Variants in ANGPT2 observed in about 807,000 individuals in gnomAD.
ANGPT2 encodes the protein angiopoietin 2.
ANGPT2 carries 28 observed loss-of-function variants against 62.9 expected under a neutral mutation model. That is an observed-to-expected ratio of 0.44 (90% CI 0.33 to 0.61). The LOEUF (loss-of-function observed/expected upper bound fraction) is 0.61. Among genes scored for constraint, ANGPT2 ranks in the 20% least tolerant of loss-of-function variants. The probability of loss-of-function intolerance (pLI) is 0.03; values close to 1 mark genes in which losing one functional copy is unlikely to be tolerated. For synonymous variants in ANGPT2, 284 were observed against 207.8 expected (o/e 1.37, Z -3.15); for missense variants, 727 against 594.9 (o/e 1.22, Z -2.31).
At chr8:6,546,424 A>G (rs1026287593) in intron 1 of ANGPT2, among the ~76,000 whole-genome samples, 3 of 152,234 alleles carry the variant, frequency 2.0e-5, no homozygotes, top group African/African-American at 7.2e-5. Flanking sequence ...AGAGCGTAAA[A>G]TGCAGGTGGC....
intron 7 of ANGPT2, among the ~76,000 whole-genome samples, chr8:6,510,416 T>C (rs564302273): frequency 2.7e-4 from 41 of 152,362 alleles, no homozygotes; most frequent in African/African-American, 9.9e-4. Context: ...TAAAACCTGC[T>C]AATGTTTGCA....
intron 5 of ANGPT2, among the ~76,000 whole-genome samples, chr8:6,518,178 G>A (rs1816649889): frequency 6.6e-6 from 1 of 152,152 alleles, no homozygotes; most frequent in African/African-American, 2.4e-5. Flanking sequence ...GTTAGCGGCT[G>A]TCCCTCTGCA....
chr8:6,540,366 T>A (rs183208972), intron 1 of ANGPT2, among the ~76,000 whole-genome samples: 3 of 152,356 alleles, frequency 2.0e-5, no homozygotes, highest in Admixed American at 6.5e-5. Flanking sequence ...ATTTTAAATA[T>A]ATGTAAGTTT....
chr8:6,519,515 C>T (rs949135086), intron 5 of ANGPT2, among the ~76,000 whole-genome samples: 1 of 152,146 alleles, frequency 6.6e-6, no homozygotes, highest in African/African-American at 2.4e-5. Flanking sequence ...GTTGTTCAAC[C>T]TTCAGTTTTT....
intron 1 of ANGPT2, among the ~76,000 whole-genome samples, chr8:6,533,191 G>A (rs1398016866): frequency 6.6e-6 from 1 of 152,170 alleles, no homozygotes; most frequent in Admixed American, 6.5e-5. Context: ...CCATGGGCTG[G>A]TTCTTCTCTC....
rs185150088 is a variant in ANGPT2, at chr8:6,523,159, G to A, written c.567-1749C>T. Reference sequence around the variant, plus strand: ...ACTACAGGCGCATGTCACCATGTCAGGCTAACTTTTTGTATTTTTAGTAGA... The same window carrying A: ...ACTACAGGCGCATGTCACCATGTCAAGCTAACTTTTTGTATTTTTAGTAGA... On this transcript the variant is annotated intron_variant, in intron 3 of 8. Transcript: ENST00000629816. Among the ~76,000 whole-genome samples the A allele has an allele frequency of 2.1e-3, 312 of 152,156 alleles. 9 individuals carry two copies. The South Asian group carries it at 0.043, about 21-fold the overall frequency.
chr8:6,505,230 T>C (rs1268588621), intron 8 of ANGPT2, among the ~76,000 whole-genome samples: 1 of 21,494 alleles, frequency 4.7e-5, no homozygotes, highest in Non-Finnish European at 7.9e-5. Context: ...TATTCTTATG[T>C]ATATATAGAA....
rs563835748 is a variant in ANGPT2 at position 6,533,288 on chromosome 8, T to C, written c.289-801A>G. ...AAGGAAGAAGCTCATTTCACTGCCA[T>C]TGGTATAGCTATCCCTGTCTATGGC... On this transcript the variant is annotated intron_variant, in intron 1 of 8. Transcript: ENST00000629816. Among the ~76,000 whole-genome samples the C allele has an allele frequency of 3.9e-5, 6 of 152,352 alleles. No homozygotes were observed. The East Asian group carries it at 9.6e-4, about 24-fold the overall frequency.
In ANGPT2 at chr8:6,500,101, G is replaced by C. The variant is rs1811856695; in HGVS notation, c.*3000C>G. ...TATCAATTTATTCGCGAGAACAAAT[G>C]TGAGAACGTGAGACCATTGTGCAAA... is the stretch of plus-strand genomic sequence containing the variant. On this transcript the variant is annotated 3_prime_UTR_variant, in exon 9 of 9. Transcript: ENST00000629816. The C allele has an allele frequency of 3.2e-6, 2 of 632,790 alleles. No individual in the cohort carries two copies. The highest frequency in any genetic ancestry group is 5.7e-6 in the Non-Finnish European group (2 of 353,312). The allele number at this position is 632,790 out of a possible 1,614,324, so 39.2% of individuals were successfully genotyped here.
At chr8:6,538,525 G>C (rs1198421161) in intron 1 of ANGPT2, among the ~76,000 whole-genome samples, 1 of 152,136 alleles carries the variant, frequency 6.6e-6, no homozygotes. Flanking sequence ...CCCTGATCTT[G>C]TGGGCCTCAG....
intron 6 of ANGPT2, among the ~76,000 whole-genome samples, 171 bp from the exon 7 acceptor site, chr8:6,514,015 G>T (rs7845553): frequency 8.9e-4 from 135 of 152,292 alleles, no homozygotes; most frequent in African/African-American, 3.2e-3. Context: ...AAATAGGTCA[G>T]TTATTAGACA....
At chr8:6,532,634 AC>A (rs1819744165) in intron 1 of ANGPT2, 147 bp from the exon 2 acceptor site, 1 of 668,984 alleles carries the variant, frequency 1.5e-6, no homozygotes, top group South Asian at 3.8e-5. Context: ...TTGGAATCTT[AC>A]TATTTTTTTT....
chr8:6,516,243 T>C (rs1371657955), intron 5 of ANGPT2, among the ~76,000 whole-genome samples: 2 of 152,246 alleles, frequency 1.3e-5, no homozygotes, highest in African/African-American at 2.4e-5. Flanking sequence ...TTTATTATCA[T>C]TGCTACACAC....
chr8:6,553,154 G>C (rs771442554), intron 1 of ANGPT2, among the ~76,000 whole-genome samples: 1 of 152,120 alleles, frequency 6.6e-6, no homozygotes, highest in African/African-American at 2.4e-5. Context: ...GCACCACTCT[G>C]GTGCAGGATG....
intron 1 of ANGPT2, among the ~76,000 whole-genome samples, chr8:6,548,161 G>C (rs888955636): frequency 2.6e-5 from 4 of 152,058 alleles, no homozygotes; most frequent in African/African-American, 9.7e-5. Flanking sequence ...CTGGAATCTT[G>C]GCCTTCTCCT....
At chr8:6,544,922 G>C (rs1470722969) in intron 1 of ANGPT2, among the ~76,000 whole-genome samples, 1 of 152,130 alleles carries the variant, frequency 6.6e-6, no homozygotes, top group Non-Finnish European at 1.5e-5. Context: ...CACTAGTTTT[G>C]TTCTCACAAT....
intron 2 of ANGPT2, among the ~76,000 whole-genome samples, chr8:6,527,897 C>CTTTTTTTTTTTT (rs1343936237): frequency 1.9e-5 from 2 of 105,952 alleles, no homozygotes; most frequent in Non-Finnish European, 4.5e-5. Context: ...CCCCACGTCT[C>CTTTTTTTTTTTT]TATTTTTTTT....
intron 5 of ANGPT2, among the ~76,000 whole-genome samples, chr8:6,518,773 T>C (rs563458304): frequency 1.3e-5 from 2 of 152,336 alleles, no homozygotes; most frequent in South Asian, 4.1e-4. Context: ...TACATTTATA[T>C]GCAAACATAT....
At chr8:6,530,610 A>G (rs1417949593) in intron 2 of ANGPT2, among the ~76,000 whole-genome samples, 4 of 151,252 alleles carry the variant, frequency 2.6e-5, no homozygotes, top group Non-Finnish European at 5.9e-5. Flanking sequence ...TGACTTTTAA[A>G]TCTTTAGTTT....
Sources: gnomAD v4.1 joint callset for allele counts (sites outside exome capture counted in the v4.1 genomes callset) on GRCh38, gnomAD v4.1.1 for gene constraint, MANE v1.5 for transcripts, NCBI Gene and HGNC (gene_info 2026-07-23, HGNC 2026-07-21) for gene names.